The following IQCM variants were observed in gnomAD, a reference collection of about 807,000 sequenced individuals.
IQCM encodes the protein IQ motif containing M.
In IQCM, 45 loss-of-function variants were observed where a neutral mutation model predicts 57.6. The observed-to-expected ratio is 0.78, with a 90% CI of 0.62 to 1.00. The LOEUF is 1.00. Among genes scored for constraint, IQCM ranks in the 50% least tolerant of loss-of-function variants. The pLI is 0.00. For missense variants in IQCM, 468 were observed against 511.6 expected, an observed-to-expected ratio of 0.91 and a Z score of 0.82; for synonymous variants, 148 against 158.9, an observed-to-expected ratio of 0.93 and a Z score of 0.51.
At chr4:149,631,023 T>A (rs2150093069) in intron 7 of IQCM, among the ~76,000 whole-genome samples, 1 of 152,194 alleles carries the variant, frequency 6.6e-6, no homozygotes, top group Admixed American at 6.5e-5. Flanking sequence ...AGCAATATGG[T>A]TTTTGCTGAA....
chr4:149,519,525 G>A (rs1178882661), intron 12 of IQCM, among the ~76,000 whole-genome samples: 3 of 151,930 alleles, frequency 2.0e-5, no homozygotes, highest in African/African-American at 7.3e-5. Context: ...GGGAGGCTGG[G>A]GAGGCTGAGG....
Position 149,351,926 on chromosome 4 carries a change from T to A in IQCM, c.*25A>T. The A allele has an allele frequency of 2.5e-6, 1 of 398,852 alleles. No individual in the cohort carries two copies. Among genetic ancestry groups the A allele is most frequent in the Non-Finnish European group, 4.4e-6 (1 of 225,946 alleles). The allele number at this position is 398,852 out of a possible 1,614,324, so 24.7% of individuals were successfully genotyped here. ...TCTTTGGGTAGAGAAGTTTAACTAT[T>A]ACAGGTAATAATATGTTGGAAACAT... On this transcript the variant is annotated 3_prime_UTR_variant, in exon 14 of 14. Transcript: ENST00000636793.
chr4:149,809,175 A>G lies in IQCM; in HGVS notation c.-49+6136T>C, dbSNP rs542092904. On this transcript the variant is annotated intron_variant, in intron 2 of 13. Coordinates refer to ENST00000636793, the MANE Select transcript of IQCM (RefSeq NM_001363507.2). Reference sequence around the variant, plus strand: ...CTACCCGGGAGGCTGAGGCAGGGGAATCGCTTGAACCTGGGAGGTAGAGGG... The same window carrying G: ...CTACCCGGGAGGCTGAGGCAGGGGAGTCGCTTGAACCTGGGAGGTAGAGGG... Among the ~76,000 whole-genome samples, 75 of 152,110 alleles carry G rather than the reference A, an allele frequency of 4.9e-4. 1 individual carries two copies. The highest frequency in any genetic ancestry group is 8.1e-4 in the Non-Finnish European group (55 of 67,988).
intron 9 of IQCM, among the ~76,000 whole-genome samples, chr4:149,584,938 T>G (rs1476602525): frequency 6.6e-6 from 1 of 151,694 alleles, no homozygotes; most frequent in Non-Finnish European, 1.5e-5. Context: ...ATTTTTTAGT[T>G]TGCTTAACTT....
intron 2 of IQCM, among the ~76,000 whole-genome samples, chr4:149,805,056 A>G (rs184131858): frequency 7.9e-5 from 12 of 152,162 alleles, no homozygotes; most frequent in Admixed American, 6.6e-4. Flanking sequence ...GAAGTGTTCT[A>G]TCCTTAGGTT....
At chr4:149,482,001 G>C (rs1001110214) in intron 12 of IQCM, among the ~76,000 whole-genome samples, 1 of 151,088 alleles carries the variant, frequency 6.6e-6, no homozygotes, top group African/African-American at 2.4e-5. Flanking sequence ...TTACTTCTCT[G>C]GTTAAATTAA....
Position 149,712,256 on chromosome 4 carries a change from C to T in IQCM, c.385+20988G>A, listed in dbSNP as rs1012088245. ...GAGAAATTAATAACTACCTTGGGCA[C>T]TGACTTGCTCAGGCAACAGCTGTTT... On this transcript the variant is annotated intron_variant, in intron 5 of 13. Transcript: ENST00000636793. Among the ~76,000 whole-genome samples the T allele has an allele frequency of 5.9e-5, 9 of 152,126 alleles. No homozygotes were observed. The South Asian group carries it at 1.0e-3, about 18-fold the overall frequency.
intron 6 of IQCM, among the ~76,000 whole-genome samples, chr4:149,683,001 C>T (rs1169130923): frequency 6.6e-6 from 1 of 151,104 alleles, no homozygotes; most frequent in Non-Finnish European, 1.5e-5. Context: ...TTTAAGTGTA[C>T]ATAAATGCAC....
chr4:149,727,464 T>C (rs1766052367), intron 5 of IQCM, among the ~76,000 whole-genome samples: 1 of 152,180 alleles, frequency 6.6e-6, no homozygotes, highest in Admixed American at 6.5e-5. Context: ...AATATTTTTA[T>C]GACAGTATTT....
chr4:149,557,009 A>G (rs1013591090), intron 10 of IQCM, among the ~76,000 whole-genome samples: 3 of 152,222 alleles, frequency 2.0e-5, no homozygotes, highest in Admixed American at 6.5e-5. Context: ...CAACTTTATC[A>G]TTAAATATAA....
chr4:149,671,452 AG>A (rs1459271812), intron 7 of IQCM, among the ~76,000 whole-genome samples: 1 of 152,084 alleles, frequency 6.6e-6, no homozygotes, highest in African/African-American at 2.4e-5. Context: ...GATATTTTGA[AG>A]GGTTTTTTTG....
intron 7 of IQCM, among the ~76,000 whole-genome samples, chr4:149,673,353 T>C (rs1196141215): frequency 1.3e-5 from 2 of 151,860 alleles, no homozygotes; most frequent in Non-Finnish European, 2.9e-5. Context: ...TCAAGATCCA[T>C]CAGTGTGCTG....
intron 7 of IQCM, among the ~76,000 whole-genome samples, chr4:149,659,152 C>T (rs113781787): frequency 0.24 from 35,947 of 151,798 alleles, 4,890 homozygotes; most frequent in Non-Finnish European, 0.29. Flanking sequence ...GATTCATTAA[C>T]TTTTTGAAGG....
intron 2 of IQCM, among the ~76,000 whole-genome samples, chr4:149,750,560 C>A (rs1768338947): frequency 6.6e-6 from 1 of 152,080 alleles, no homozygotes; most frequent in African/African-American, 2.4e-5. Context: ...ATGAAGAGTC[C>A]CGTATCAATA....
chr4:149,508,309 T>C (rs766657946), intron 12 of IQCM, among the ~76,000 whole-genome samples: 18 of 151,848 alleles, frequency 1.2e-4, no homozygotes, highest in Admixed American at 4.6e-4. Context: ...GATCAACTGA[T>C]AGCTTGCACC....
At chr4:149,367,717 T>G (rs1038332679) in intron 13 of IQCM, among the ~76,000 whole-genome samples, 2 of 152,084 alleles carry the variant, frequency 1.3e-5, no homozygotes, top group Admixed American at 6.5e-5. Flanking sequence ...TTTGAATAGA[T>G]ATTGCTAAGT....
At chr4:149,599,355 T>C (rs760971951) in intron 8 of IQCM, among the ~76,000 whole-genome samples, 38 of 152,090 alleles carry the variant, frequency 2.5e-4, no homozygotes, top group Non-Finnish European at 4.6e-4. Flanking sequence ...CACAAAGTTA[T>C]AAACAAGCAA....
intron 12 of IQCM, among the ~76,000 whole-genome samples, chr4:149,497,130 C>T (rs1742739843): frequency 6.6e-6 from 1 of 152,092 alleles, no homozygotes; most frequent in Non-Finnish European, 1.5e-5. Flanking sequence ...GAGAGTCTAG[C>T]CCATTTCCTA....
intron 5 of IQCM, among the ~76,000 whole-genome samples, chr4:149,694,322 T>G (rs1416722816): frequency 4.0e-5 from 6 of 149,362 alleles, no homozygotes; most frequent in Admixed American, 1.3e-4. Context: ...CCTCCCGGGT[T>G]CACGCCATTC....
Sources: allele counts gnomAD v4.1 joint callset (sites outside exome capture counted in the v4.1 genomes callset), GRCh38; gene constraint gnomAD v4.1.1; transcripts MANE v1.5; gene names NCBI Gene and HGNC (gene_info 2026-07-23, HGNC 2026-07-21).